The following SPEN variants were observed in gnomAD, a reference collection of about 807,000 sequenced individuals.
SPEN encodes the protein msx2-interacting protein.
Under a neutral mutation model 269.9 loss-of-function variants are expected in SPEN, and 18 were observed. The ratio of observed to expected loss-of-function variants is 0.07; its 90% CI spans 0.05 to 0.10. The LOEUF (loss-of-function observed/expected upper bound fraction) is 0.10. Among genes scored for constraint, SPEN ranks in the 10% least tolerant of loss-of-function variants. The pLI is 1.00. For missense variants in SPEN, 3,822 were observed against 4,631.2 expected (o/e 0.83, Z 5.07); for synonymous variants, 1,726 against 1,765.7 (o/e 0.98, Z 0.56).
At chr1:15,895,272 ATATTGTG>A (rs1269990398) in intron 3 of SPEN, among the ~76,000 whole-genome samples, 4 of 152,178 alleles carry the variant, frequency 2.6e-5, no homozygotes, top group Admixed American at 2.6e-4. Flanking sequence ...AAGTACATTA[ATATTGTG>A]TGACCATCAC....
At chr1:15,936,642 CA>C (rs60059470) in intron 11 of SPEN, among the ~76,000 whole-genome samples, 228 of 123,622 alleles carry the variant, frequency 1.8e-3, no homozygotes, top group South Asian at 2.7e-3. Context: ...GACCCAGTCT[CA>C]AAAAAAAAAA....
rs770622164 is a variant in SPEN at position 15,933,354 on chromosome 1, G to A, written c.7114G>A (p.Gly2372Arg). The change falls in exon 11 of 15, where the codon GGG (glycine) becomes AGG (arginine). Residue 2372 changes from glycine (G) to arginine (R), a missense_variant. Coordinates refer to ENST00000375759, the MANE Select transcript of SPEN (RefSeq NM_015001.3). The surrounding 1 kb of genome is among the most constrained non-coding windows in gnomAD (Gnocchi z 5.7). ...AGGTGAGAGTCCTGCTGCAAATGAG[G>A]GGACAACAGTACAGCACCCCGAAGC... ...AQGESPAANE[G>R]TTVQHPEAPQ... 5.6e-6 allele frequency: 9 copies of A among 1,613,936 alleles called. No individual in the cohort carries two copies. The East Asian group carries it at 1.6e-4, about 28-fold the overall frequency.
At chr1:15,898,558 CTTTTTT>C (rs375319827) in intron 3 of SPEN, among the ~76,000 whole-genome samples, 2 of 131,976 alleles carry the variant, frequency 1.5e-5, no homozygotes, top group South Asian at 2.4e-4. Flanking sequence ...TTCTTTTTTT[CTTTTTT>C]TTTTTTTTTG....
In SPEN at chr1:15,847,966, C is replaced by T; in HGVS notation, c.-102C>T. 1 of 590,846 alleles carries T rather than the reference C, an allele frequency of 1.7e-6. No homozygotes were observed. The highest frequency in any genetic ancestry group is 2.4e-6 in the Non-Finnish European group (1 of 412,256). The allele number at this position is 590,846 out of a possible 1,614,324, so 36.6% of individuals were successfully genotyped here. On this transcript the variant is annotated 5_prime_UTR_variant, in exon 1 of 15. Transcript: ENST00000375759. ...CCGCTGCCGACGCCACCGCCGCAGC[C>T]GCCGCCGCCGCCGCCCCGGCACCCG... is the stretch of plus-strand genomic sequence containing the variant.
intron 8 of SPEN, 137 bp downstream of exon 8, chr1:15,919,654 G>T (rs2071098038): frequency 3.9e-6 from 2 of 513,104 alleles, no homozygotes; most frequent in Admixed American, 3.8e-5. Context: ...CTAAGATTTG[G>T]TCAATAAGGG....
intron 3 of SPEN, among the ~76,000 whole-genome samples, chr1:15,878,626 C>G (rs1377664970): frequency 6.6e-6 from 1 of 152,188 alleles, no homozygotes; most frequent in Non-Finnish European, 1.5e-5. Context: ...ATAGAATTGT[C>G]TAAAATGCTC....
chr1:15,904,477 A>AAAAAAAAG (rs1557750214), intron 3 of SPEN, among the ~76,000 whole-genome samples: 1 of 137,948 alleles, frequency 7.2e-6, no homozygotes, highest in African/African-American at 2.6e-5. Context: ...AAAAAAAAAA[A>AAAAAAAAG]GTGAACTAAA....
chr1:15,905,007 G>T (rs1385287568), intron 3 of SPEN, among the ~76,000 whole-genome samples: 4 of 150,220 alleles, frequency 2.7e-5, no homozygotes, highest in Non-Finnish European at 5.9e-5. Context: ...TCCTGCTTCA[G>T]CCTCCGGAGT....
intron 4 of SPEN, 40 bp from the exon 5 acceptor site, chr1:15,911,061 A>G (rs750858908): frequency 6.7e-7 from 1 of 1,501,788 alleles, no homozygotes; most frequent in South Asian, 1.2e-5. Flanking sequence ...TTATAATTAA[A>G]TTAGAAGAAT....
chr1:15,887,892 A>T (rs1483345927), intron 3 of SPEN, among the ~76,000 whole-genome samples: 2 of 150,436 alleles, frequency 1.3e-5, no homozygotes, highest in African/African-American at 4.9e-5. Flanking sequence ...GCATGGTGGT[A>T]TGGTGGACGC....
chr1:15,913,632 G>T (rs926466145), intron 5 of SPEN, among the ~76,000 whole-genome samples: 1 of 151,786 alleles, frequency 6.6e-6, no homozygotes, highest in African/African-American at 2.4e-5. Context: ...CCAAGCTCAT[G>T]CCTGTAAACA....
chr1:15,902,352 T>TA (rs1451195865), intron 3 of SPEN, among the ~76,000 whole-genome samples: 1 of 152,198 alleles, frequency 6.6e-6, no homozygotes, highest in African/African-American at 2.4e-5. Flanking sequence ...CTCACACAGA[T>TA]ACACAGTTGA....
chr1:15,863,683 A>G (rs1403216336), intron 1 of SPEN, among the ~76,000 whole-genome samples: 1 of 151,920 alleles, frequency 6.6e-6, no homozygotes, highest in Non-Finnish European at 1.5e-5. Flanking sequence ...TCTATGGAAA[A>G]CAAAAACATC....
chr1:15,934,940 G>T lies in SPEN; in HGVS notation c.8700G>T (p.Ser2900=). 5.6e-6 allele frequency: 9 copies of T among 1,613,864 alleles called. No individual in the cohort carries two copies. Among genetic ancestry groups the T allele is most frequent in the Non-Finnish European group, 7.6e-6 (9 of 1,179,986 alleles). ...CATATAATGCCTCTCCTGTGATTTC[G>T]TCTGTGAAGGCCGATAGGCCATCCT... ...AQTYNASPVI[S]SVKADRPSLE... The change falls in exon 11 of 15, where the codon TCG becomes TCT. Residue 2900 remains serine, a synonymous_variant. Coordinates refer to ENST00000375759, the MANE Select transcript of SPEN (RefSeq NM_015001.3). This position sits in a 1 kb window ranked among gnomAD's most constrained non-coding sequence, Gnocchi z 9.2.
chr1:15,852,883 G>A (rs1268245943), intron 1 of SPEN, among the ~76,000 whole-genome samples: 1 of 151,782 alleles, frequency 6.6e-6, no homozygotes, highest in Non-Finnish European at 1.5e-5. Flanking sequence ...TTTATTAATC[G>A]ACTGACTGAT....
chr1:15,927,101 T>G (rs2071174805), intron 10 of SPEN, among the ~76,000 whole-genome samples: 1 of 152,218 alleles, frequency 6.6e-6, no homozygotes, highest in African/African-American at 2.4e-5. Flanking sequence ...GTGAAGGAAG[T>G]AATTGGTCTC....
chr1:15,938,166 C>T (rs1443437042), intron 13 of SPEN, among the ~76,000 whole-genome samples, 160 bp downstream of exon 13: 4 of 152,208 alleles, frequency 2.6e-5, no homozygotes, highest in Non-Finnish European at 5.9e-5. Context: ...TGCAGCGGTG[C>T]GATCTCTGTT....
At position 15,937,121 on chromosome 1, in the gene SPEN, A is replaced by C; in HGVS notation, c.10027-42A>C. On this transcript the variant is annotated intron_variant, in intron 11 of 14. Coordinates refer to ENST00000375759, the MANE Select transcript of SPEN (RefSeq NM_015001.3). This position sits in a 1 kb window ranked among gnomAD's most constrained non-coding sequence, Gnocchi z 5.7. ...TTGTTGGTCTCAGGGGCTTGTGCAC[A>C]ACAGACTGACTCTGTCCCTTTGCCT... 6.3e-7 allele frequency: 1 copy of C among 1,582,458 alleles called. No individual in the cohort carries two copies. The highest frequency in any genetic ancestry group is 2.3e-5 in the East Asian group (1 of 44,438).
chr1:15,934,799 G>A lies in SPEN; in HGVS notation c.8559G>A (p.Lys2853=). The stretch of plus-strand genomic sequence containing the variant: ...TTGAATTTCAGCAGTCAGTGTCCAA[G>A]TCCCAGGTCAAACCTGATTCTGTCA... ...MDIEFQQSVS[K]SQVKPDSVTA... is the part of the protein sequence containing the mutation. Residue 2853 remains lysine, a synonymous_variant, in exon 11 of 15, where the codon AAG becomes AAA. Transcript: ENST00000375759. The surrounding 1 kb of genome is among the most constrained non-coding windows in gnomAD (Gnocchi z 9.2). The A allele has an allele frequency of 6.2e-7, 1 of 1,614,198 alleles. No homozygotes were observed. The highest frequency in any genetic ancestry group is 8.5e-7 in the Non-Finnish European group (1 of 1,180,028).
Sources: allele counts gnomAD v4.1 joint callset (sites outside exome capture counted in the v4.1 genomes callset), GRCh38; gene constraint gnomAD v4.1.1; non-coding constraint Gnocchi (gnomAD v3.1); transcripts MANE v1.5; gene names NCBI Gene and HGNC (gene_info 2026-07-23, HGNC 2026-07-21).